ARID2: variants seen among roughly 807,000 people sequenced by gnomAD.
ARID2 encodes the protein AT-rich interaction domain 2.
Under a neutral mutation model 184.6 loss-of-function variants are expected in ARID2, and 32 were observed. The observed-to-expected ratio is 0.17, with a 90% CI of 0.13 to 0.23. ARID2 has a LOEUF of 0.23. ARID2 is among the 10% of genes least tolerant of loss of function. The probability of loss-of-function intolerance (pLI) is 1.00; values close to 1 mark genes in which losing one functional copy is unlikely to be tolerated. For missense variants in ARID2, 1,696 were observed against 2,197.6 expected (o/e 0.77, Z 4.56); for synonymous variants, 836 against 772.6 (o/e 1.08, Z -1.36).
intron 3 of ARID2, among the ~76,000 whole-genome samples, chr12:45,795,877 T>A (rs1942383932): frequency 6.6e-6 from 1 of 152,156 alleles, no homozygotes; most frequent in African/African-American, 2.4e-5. Context: ...TTAAAGGCTC[T>A]TTTCCTATAT....
At chr12:45,733,546 A>G (rs1185685592) in intron 3 of ARID2, among the ~76,000 whole-genome samples, 1 of 152,188 alleles carries the variant, frequency 6.6e-6, no homozygotes, top group Non-Finnish European at 1.5e-5. Context: ...TTTAATATGA[A>G]CTGCTTTTTC....
rs776420000 is a variant in ARID2, at chr12:45,786,581, G to T, written c.285-24837G>T. Among the ~76,000 whole-genome samples, 9 of 152,132 alleles carry T rather than the reference G, an allele frequency of 5.9e-5. No individual in the cohort carries two copies. The South Asian group carries it at 8.3e-4, about 14-fold the overall frequency. ...TATAGTTATGGAAAATAGTATGGAGGTTCCTCAAAAAATTGAAAATAGAAC... is the reference window on the plus strand; with the variant it reads ...TATAGTTATGGAAAATAGTATGGAGTTTCCTCAAAAAATTGAAAATAGAAC... On this transcript the variant is annotated intron_variant, in intron 3 of 20. Coordinates refer to ENST00000334344, the MANE Select transcript of ARID2 (RefSeq NM_152641.4).
chr12:45,894,519 C>T (rs958411635), intron 20 of ARID2, among the ~76,000 whole-genome samples: 1 of 151,978 alleles, frequency 6.6e-6, no homozygotes, highest in Non-Finnish European at 1.5e-5. Context: ...TTTGCAATGA[C>T]CTTTAAACTG....
chr12:45,892,301 A>G (rs143294570), intron 18 of ARID2, among the ~76,000 whole-genome samples: 303 of 152,288 alleles, frequency 2.0e-3, no homozygotes, highest in Non-Finnish European at 3.2e-3. Context: ...TGTGGTCTGT[A>G]AGTTACCTTT....
At chr12:45,744,819 C>T (rs1941326293) in intron 3 of ARID2, among the ~76,000 whole-genome samples, 4 of 152,154 alleles carry the variant, frequency 2.6e-5, no homozygotes, top group Non-Finnish European at 4.4e-5. Flanking sequence ...TTAAATTCAT[C>T]AATGCTAAAT....
chr12:45,790,072 A>C (rs1430297918), intron 3 of ARID2, among the ~76,000 whole-genome samples: 2 of 152,208 alleles, frequency 1.3e-5, no homozygotes, highest in Non-Finnish European at 2.9e-5. Flanking sequence ...ACCTTCCTCT[A>C]TACTTATAAC....
chr12:45,838,986 C>T (rs1943277609), intron 10 of ARID2, among the ~76,000 whole-genome samples: 1 of 151,534 alleles, frequency 6.6e-6, no homozygotes, highest in Non-Finnish European at 1.5e-5. Context: ...CTGCCTCAGC[C>T]TTCCGAGTAG....
At chr12:45,899,261 ACT>A (rs1412335551) in intron 20 of ARID2, among the ~76,000 whole-genome samples, 1 of 112,744 alleles carries the variant, frequency 8.9e-6, no homozygotes, top group African/African-American at 3.7e-5. Flanking sequence ...AAAGAGCAAG[ACT>A]CTGTCTCAAA....
intron 6 of ARID2, 30 bp downstream of exon 6, chr12:45,821,517 A>G: frequency 2.2e-6 from 3 of 1,379,262 alleles, no homozygotes; most frequent in Non-Finnish European, 2.9e-6. Flanking sequence ...ATGTTGATTC[A>G]TTGAGTTACA....
At chr12:45,865,820 T>C (rs1391803462) in intron 16 of ARID2, among the ~76,000 whole-genome samples, 1 of 152,166 alleles carries the variant, frequency 6.6e-6, no homozygotes, top group Non-Finnish European at 1.5e-5. Context: ...AGTGGATATT[T>C]TGGGCTTCAG....
Position 45,891,839 on chromosome 12 carries a change from A to G in ARID2, c.4982A>G (p.Asp1661Gly). The change falls in exon 17 of 21, where the codon GAT becomes GGT. Residue 1661 changes from aspartate (D) to glycine (G), a missense_variant. Coordinates refer to ENST00000334344, the MANE Select transcript of ARID2 (RefSeq NM_152641.4). ...YHAATEHGGK[D>G]VYPGQCLWEG... ...GCAGCAACTGAACATGGAGGAAAAGATGTATATCCAGGGCAGTGTCTTTGG... is the reference window on the plus strand; with the variant it reads ...GCAGCAACTGAACATGGAGGAAAAGGTGTATATCCAGGGCAGTGTCTTTGG... 6.2e-7 allele frequency: 1 copy of G among 1,614,220 alleles called. No individual in the cohort carries two copies. The highest frequency in any genetic ancestry group is 8.5e-7 in the Non-Finnish European group (1 of 1,180,024).
At chr12:45,730,859 T>C (rs553789968) in intron 2 of ARID2, among the ~76,000 whole-genome samples, 2 of 139,770 alleles carry the variant, frequency 1.4e-5, no homozygotes, top group South Asian at 2.4e-4. Flanking sequence ...CGGAACTGTA[T>C]TGATCCTTTT....
intron 16 of ARID2, among the ~76,000 whole-genome samples, chr12:45,879,595 A>G (rs755077430): frequency 1.3e-5 from 2 of 152,200 alleles, no homozygotes; most frequent in Admixed American, 6.6e-5. Context: ...TCCAGCTTTC[A>G]GAGTGGTAGT....
chr12:45,811,908 C>G (rs115774086), intron 4 of ARID2, among the ~76,000 whole-genome samples: 1 of 152,032 alleles, frequency 6.6e-6, no homozygotes, highest in East Asian at 1.9e-4. Flanking sequence ...ATTAGATTTT[C>G]TAACATTAAT....
intron 3 of ARID2, among the ~76,000 whole-genome samples, chr12:45,800,896 G>A (rs975744060): frequency 1.3e-5 from 2 of 152,056 alleles, no homozygotes; most frequent in East Asian, 3.9e-4. Flanking sequence ...AATAACGATA[G>A]GAATGTAATA....
At chr12:45,833,234 G>A (rs1026427753) in intron 6 of ARID2, among the ~76,000 whole-genome samples, 1 of 151,972 alleles carries the variant, frequency 6.6e-6, no homozygotes, top group Non-Finnish European at 1.5e-5. Context: ...AATGCATTAC[G>A]ATGTTTTAGA....
At chr12:45,830,271 C>A (rs996596633) in intron 6 of ARID2, among the ~76,000 whole-genome samples, 16 of 152,002 alleles carry the variant, frequency 1.1e-4, no homozygotes, top group Non-Finnish European at 2.2e-4. Context: ...ATTGAAAGTT[C>A]ATTCTTCCAC....
chr12:45,897,675 C>G (rs977146942), intron 20 of ARID2, among the ~76,000 whole-genome samples: 1 of 152,048 alleles, frequency 6.6e-6, no homozygotes, highest in Non-Finnish European at 1.5e-5. Flanking sequence ...ATGGCTATTA[C>G]TCATAAGAGA....
In ARID2 at chr12:45,890,330, T is replaced by C. The variant is rs1342768151; in HGVS notation, c.4923-1450T>C. 2.6e-5 allele frequency among the ~76,000 whole-genome samples: 4 copies of C among 152,368 alleles called. No individual in the cohort carries two copies. The East Asian group carries it at 5.8e-4, about 22-fold the overall frequency. On this transcript the variant is annotated intron_variant, in intron 16 of 20. Transcript: ENST00000334344. ...AAATAAACTTGATTAATTGTATGTA[T>C]TGAAAAATAGTTTAGAAATAGACAT...
Sources: allele counts gnomAD v4.1 joint callset (sites outside exome capture counted in the v4.1 genomes callset), GRCh38; gene constraint gnomAD v4.1.1; transcripts MANE v1.5; gene names NCBI Gene and HGNC (gene_info 2026-07-23, HGNC 2026-07-21).